Variants in OPRM1 observed in about 807,000 individuals in gnomAD.
OPRM1 encodes the protein opioid receptor mu 1.
A neutral mutation model predicts 31.8 loss-of-function variants in OPRM1; 27 were observed. That is an observed-to-expected ratio of 0.85 (90% CI 0.63 to 1.17). OPRM1 has a LOEUF of 1.17. Among genes scored for constraint, OPRM1 ranks in the 50% most tolerant of loss-of-function variants. OPRM1 has a pLI of 0.00. For synonymous variants in OPRM1, 196 were observed against 189.9 expected (o/e 1.03, Z -0.26); for missense variants, 536 against 511.1 (o/e 1.05, Z -0.47).
intron 3 of OPRM1, among the ~76,000 whole-genome samples, chr6:154,148,915 G>A (rs1360997429): frequency 2.0e-5 from 3 of 152,118 alleles, no homozygotes; most frequent in Admixed American, 6.5e-5. Context: ...TAACACAGAG[G>A]CCATGATATT....
chr6:154,214,048 G>A, intron 3 of OPRM1, among the ~76,000 whole-genome samples: 1 of 152,168 alleles, frequency 6.6e-6, no homozygotes, highest in East Asian at 1.9e-4. Flanking sequence ...TTCCATGTTG[G>A]TGAGTCTGTG....
intron 1 of OPRM1, among the ~76,000 whole-genome samples, chr6:154,052,617 G>A (rs1673879789): frequency 6.6e-6 from 1 of 152,172 alleles, no homozygotes; most frequent in South Asian, 2.1e-4. Context: ...AGAAAGAAGT[G>A]GTAGGCTGGG....
chr6:154,093,880 C>A (rs1342613803), intron 3 of OPRM1, among the ~76,000 whole-genome samples: 1 of 152,200 alleles, frequency 6.6e-6, no homozygotes, highest in Non-Finnish European at 1.5e-5. Context: ...ACATAAGCTG[C>A]TAGTGATAGT....
At chr6:154,018,950 C>CT (rs71650263) in intron 1 of OPRM1, among the ~76,000 whole-genome samples, 4 of 151,914 alleles carry the variant, frequency 2.6e-5, no homozygotes, top group South Asian at 2.1e-4. Context: ...AACAATATTA[C>CT]TTTTTTTTAT....
chr6:154,100,752 C>G (rs562477101), intron 3 of OPRM1, among the ~76,000 whole-genome samples: 82 of 151,630 alleles, frequency 5.4e-4, no homozygotes, highest in African/African-American at 1.9e-3. Context: ...TCTATACAGA[C>G]ACCAGAAATC....
At chr6:154,108,825 C>A (rs1281692981) in intron 3 of OPRM1, 6 of 985,090 alleles carry the variant, frequency 6.1e-6, no homozygotes, top group Non-Finnish European at 7.2e-6. Context: ...TGCTTGATAA[C>A]CTCGGTGATA....
intron 1 of OPRM1, among the ~76,000 whole-genome samples, chr6:154,050,932 T>C (rs1056915844): frequency 5.3e-5 from 8 of 152,158 alleles, no homozygotes; most frequent in Admixed American, 2.0e-4. Flanking sequence ...TTAAAATATA[T>C]ATTAGCATGT....
chr6:154,091,772 A>G, intron 3 of OPRM1: 1 of 1,085,958 alleles, frequency 9.2e-7, no homozygotes, highest in Non-Finnish European at 1.1e-6. Context: ...ACATTATAGA[A>G]ATAATTCTGA....
intron 3 of OPRM1, chr6:154,156,742 T>G (rs574216953): frequency 6.6e-6 from 1 of 152,324 alleles, no homozygotes; most frequent in African/African-American, 2.4e-5. Flanking sequence ...AAACTAAGAA[T>G]TCTTTAAAGC....
chr6:154,227,285 G>T (rs1302971157), intron 3 of OPRM1, among the ~76,000 whole-genome samples: 1 of 151,886 alleles, frequency 6.6e-6, no homozygotes, highest in Non-Finnish European at 1.5e-5. Context: ...ATTAGAATCA[G>T]CACCCAATTT....
chr6:154,033,903 A>G (rs1482126409), intron 1 of OPRM1, among the ~76,000 whole-genome samples: 1 of 152,216 alleles, frequency 6.6e-6, no homozygotes, highest in African/African-American at 2.4e-5. Flanking sequence ...AATGAGGCAT[A>G]AGCAATCATG....
Position 154,118,804 on chromosome 6 carries a change from A to G in OPRM1, c.*83A>G. On this transcript the variant is annotated 3_prime_UTR_variant, in exon 4 of 4. Transcript: ENST00000330432. ...GCAGGTTGCTTCAAGAATGTGTAGG[A>G]GGCTCTAATTCTCTAGGAAAGTGCC... is the stretch of plus-strand genomic sequence containing the variant. 2 of 1,588,932 alleles carry G rather than the reference A, an allele frequency of 1.3e-6. No individual in the cohort carries two copies. Among genetic ancestry groups the G allele is most frequent in the South Asian group, 2.3e-5 (2 of 87,640 alleles).
In OPRM1 at chr6:154,152,972, C is replaced by T. The variant is rs891262171; in HGVS notation, c.1164+61500C>T. On this transcript the variant is annotated intron_variant, in intron 3 of 3. Transcript: ENST00000337049. ...CAGTCTGGTCTCAAACTCTTGGCTT[C>T]AAGCAATCCTCCCGCCTCAGCCTCC... is the stretch of plus-strand genomic sequence containing the variant. 5.9e-5 allele frequency among the ~76,000 whole-genome samples: 9 copies of T among 151,632 alleles called. No individual in the cohort carries two copies. The East Asian group carries it at 9.7e-4, about 16-fold the overall frequency.
At chr6:154,024,001 C>G (rs149175069) in intron 1 of OPRM1, among the ~76,000 whole-genome samples, 309 of 151,938 alleles carry the variant, frequency 2.0e-3, no homozygotes, top group African/African-American at 7.1e-3. Flanking sequence ...CTATAGTTTT[C>G]TTTTTGTGCT....
At chr6:154,229,597 C>A (rs997148007) in intron 3 of OPRM1, among the ~76,000 whole-genome samples, 8 of 152,000 alleles carry the variant, frequency 5.3e-5, no homozygotes, top group African/African-American at 1.9e-4. Flanking sequence ...ACCTCATGAT[C>A]TGCCTGCCTT....
rs1301584181 is a variant in OPRM1, at chr6:154,039,666, TGTCCGACCCATGCG to T, written c.129_142del (p.Asp43GlufsTer105). Reference sequence around the variant, plus strand: ...AACTTGTCCCACTTAGATGGCAACCTGTCCGACCCATGCGGTCCGAACCGCACCGACCTGGGCGG... The same window carrying T: ...AACTTGTCCCACTTAGATGGCAACCTGTCCGAACCGCACCGACCTGGGCGG... On this transcript the variant is annotated frameshift_variant, in exon 1 of 4. Transcript: ENST00000330432. LOFTEE classifies it high-confidence loss of function. 6.2e-7 allele frequency: 1 copy of T among 1,613,962 alleles called. No homozygotes were observed.
intron 3 of OPRM1, 183 bp downstream of exon 3, chr6:154,091,655 G>A (rs555752748): frequency 1.3e-4 from 187 of 1,390,224 alleles, no homozygotes; most frequent in Middle Eastern, 7.9e-4. Context: ...ATATTTGACT[G>A]TACATATTCA....
chr6:154,021,917 A>G (rs1778398241), intron 1 of OPRM1, among the ~76,000 whole-genome samples: 1 of 151,384 alleles, frequency 6.6e-6, no homozygotes, highest in Non-Finnish European at 1.5e-5. Context: ...AGGCAGTTCT[A>G]TTTTTTTCTT....
chr6:154,091,173 G>C lies in OPRM1; in HGVS notation c.865G>C (p.Ala289Pro). 1 of 1,614,144 alleles carries C rather than the reference G, an allele frequency of 6.2e-7. No individual in the cohort carries two copies. Among genetic ancestry groups the C allele is most frequent in the African/African-American group, 1.3e-5 (1 of 75,032 alleles). Residue 289 changes from alanine to proline, a missense_variant, in exon 3 of 4, where the codon GCT becomes CCT. Ala to Pro is a conservative substitution (Grantham distance 27, BLOSUM62 -1). Coordinates refer to ENST00000330432, the MANE Select transcript of OPRM1 (RefSeq NM_000914.5). ...RITRMVLVVV[A>P]VFIVCWTPIH... The stretch of plus-strand genomic sequence containing the variant: ...CACCAGGATGGTGCTGGTGGTGGTG[G>C]CTGTGTTCATCGTCTGCTGGACTCC...
Sources: allele counts gnomAD v4.1 joint callset (sites outside exome capture counted in the v4.1 genomes callset), GRCh38; gene constraint gnomAD v4.1.1; transcripts MANE v1.5; gene names NCBI Gene and HGNC (gene_info 2026-07-23, HGNC 2026-07-21).